The following HEPACAM2 variants were observed in gnomAD, a reference collection of about 807,000 sequenced individuals.
HEPACAM2 encodes mitotic kinetics regulator.
In HEPACAM2, 49 loss-of-function variants were observed where a neutral mutation model predicts 49.6. That is an observed-to-expected ratio of 0.99 (90% CI 0.78 to 1.25). HEPACAM2 has a LOEUF of 1.25. HEPACAM2 is among the 50% of genes most tolerant of loss of function. HEPACAM2 has a pLI of 0.00. For synonymous variants in HEPACAM2, 197 were observed against 202.9 expected (o/e 0.97, Z 0.25); for missense variants, 525 against 557.2 (o/e 0.94, Z 0.58).
intron 9 of HEPACAM2, among the ~76,000 whole-genome samples, chr7:93,190,374 G>A (rs1011541627): frequency 1.3e-5 from 2 of 151,976 alleles, no homozygotes; most frequent in African/African-American, 2.4e-5. Context: ...GAGAGGAAAA[G>A]AGAAGGGTAG....
Position 93,205,619 on chromosome 7 carries a change from A to T in HEPACAM2, c.1012+2961T>A, listed in dbSNP as rs532410590. 3 of 152,228 alleles carry T rather than the reference A, an allele frequency of 2.0e-5. No homozygotes were observed. The South Asian group carries it at 6.2e-4, about 32-fold the overall frequency. 9.4% of individuals were successfully genotyped at this position (152,228 alleles called of 1,614,324 possible). On this transcript the variant is annotated intron_variant, in intron 4 of 9. Coordinates refer to ENST00000394468, the MANE Select transcript of HEPACAM2 (RefSeq NM_001039372.4). ...AATTCTCCACAGATCTCAAGAGTTT[A>T]CTCCTCAGAGTGGATGGAGAGTAGG... is the stretch of plus-strand genomic sequence containing the variant.
In HEPACAM2 at chr7:93,203,588, A is replaced by G. The variant is rs560269077; in HGVS notation, c.1012+4992T>C. On this transcript the variant is annotated intron_variant, in intron 4 of 9. Transcript: ENST00000394468. ...CCATTCTCCCCATTATTTAAACATG[A>G]TGGACTCATGTGCCAAAGCCATAGT... Among the ~76,000 whole-genome samples the G allele has an allele frequency of 3.9e-5, 6 of 152,208 alleles. No homozygotes were observed. The South Asian group carries it at 1.2e-3, about 32-fold the overall frequency.
At chr7:93,219,834 T>C (rs1359991306) in intron 1 of HEPACAM2, among the ~76,000 whole-genome samples, 1 of 152,230 alleles carries the variant, frequency 6.6e-6, no homozygotes, top group Non-Finnish European at 1.5e-5. Context: ...TCTAACTATG[T>C]GATTTGAGAA....
At chr7:93,212,665 C>G (rs1794205337) in intron 3 of HEPACAM2, among the ~76,000 whole-genome samples, 1 of 152,030 alleles carries the variant, frequency 6.6e-6, no homozygotes, top group South Asian at 2.1e-4. Flanking sequence ...CTCTTTATCA[C>G]ACATGCACAC....
rs1794406265 is a variant in HEPACAM2, at chr7:93,219,624, C to T, written c.80-173G>A. 13 of 1,225,872 alleles carry T rather than the reference C, an allele frequency of 1.1e-5. No homozygotes were observed. In the South Asian group the frequency reaches 2.3e-4, roughly 22 times the overall value. The allele number at this position is 1,225,872 out of a possible 1,614,324, so 75.9% of individuals were successfully genotyped here. ...TAGAGGTAAATATTTGTCCCTGAAA[C>T]CTTCTGCACTTAAAAAACTCCACCC... On this transcript the variant is annotated intron_variant, in intron 1 of 9. Coordinates refer to ENST00000394468, the MANE Select transcript of HEPACAM2 (RefSeq NM_001039372.4).
At chr7:93,193,150 C>T (rs995858642) in intron 8 of HEPACAM2, among the ~76,000 whole-genome samples, 3 of 152,094 alleles carry the variant, frequency 2.0e-5, no homozygotes. Context: ...TACACCTTCA[C>T]CTCGAGGGCT....
chr7:93,231,240 T>C (rs928389107), upstream of HEPACAM2, among the ~76,000 whole-genome samples: 4 of 152,314 alleles, frequency 2.6e-5, no homozygotes, highest in African/African-American at 7.2e-5. Flanking sequence ...CTAAGAAATA[T>C]TTTTGAAATT....
intron 3 of HEPACAM2, among the ~76,000 whole-genome samples, chr7:93,213,576 A>G (rs1794232018): frequency 1.3e-5 from 2 of 152,118 alleles, no homozygotes; most frequent in Admixed American, 6.6e-5. Flanking sequence ...TAAAAGGGAT[A>G]TGAAGAAAGA....
intron 3 of HEPACAM2, among the ~76,000 whole-genome samples, chr7:93,210,125 T>G (rs1794143055): frequency 1.3e-5 from 2 of 151,958 alleles, no homozygotes; most frequent in Admixed American, 6.6e-5. Context: ...ATTCTTCTCC[T>G]AGATAGGTTT....
chr7:93,208,181 A>G (rs1794077754), intron 4 of HEPACAM2, among the ~76,000 whole-genome samples: 1 of 152,060 alleles, frequency 6.6e-6, no homozygotes, highest in Admixed American at 6.6e-5. Flanking sequence ...GGGGAATCAA[A>G]TAGAAGTAGG....
At chr7:93,229,571 C>T (rs977911866), upstream of HEPACAM2, among the ~76,000 whole-genome samples, 1 of 152,122 alleles carries the variant, frequency 6.6e-6, no homozygotes, top group Non-Finnish European at 1.5e-5. Context: ...TGCCCTTATC[C>T]TACTTTACTA....
intron 2 of HEPACAM2, 102 bp downstream of exon 2, chr7:93,218,997 CAA>C (rs1584354073): frequency 1.1e-6 from 1 of 902,192 alleles, no homozygotes. Flanking sequence ...TTGATTTGTG[CAA>C]AGTTGTGAAG....
chr7:93,195,210 C>G (rs145966090), intron 8 of HEPACAM2, among the ~76,000 whole-genome samples: 87 of 152,108 alleles, frequency 5.7e-4, no homozygotes, highest in African/African-American at 2.1e-3. Context: ...AAATTAGGGT[C>G]TCCTGATCCG....
intron 9 of HEPACAM2, among the ~76,000 whole-genome samples, chr7:93,191,822 G>A (rs973292225): frequency 6.6e-6 from 1 of 152,002 alleles, no homozygotes; most frequent in Admixed American, 6.6e-5. Flanking sequence ...ACTGTGCTGT[G>A]GACCCTCTGT....
chr7:93,223,264 T>C (rs1794484143), intron 1 of HEPACAM2, among the ~76,000 whole-genome samples: 1 of 152,126 alleles, frequency 6.6e-6, no homozygotes, highest in Non-Finnish European at 1.5e-5. Context: ...CTGGAAATGG[T>C]TGGGAGGCAC....
At chr7:93,208,961 A>G in intron 3 of HEPACAM2, 85 bp from the exon 4 acceptor site, 1 of 1,219,950 alleles carries the variant, frequency 8.2e-7, no homozygotes, top group Non-Finnish European at 1.1e-6. Flanking sequence ...GTAGCATTTT[A>G]CTGTTTTTGA....
At chr7:93,192,436 T>G in intron 8 of HEPACAM2, 73 bp from the exon 9 acceptor site, 16 of 1,039,608 alleles carry the variant, frequency 1.5e-5, no homozygotes, top group South Asian at 4.0e-5. Flanking sequence ...GTTGCATAGT[T>G]GAAAACAACT....
chr7:93,194,860 C>A (rs1793646869), intron 8 of HEPACAM2, among the ~76,000 whole-genome samples: 1 of 149,380 alleles, frequency 6.7e-6, no homozygotes, highest in East Asian at 2.0e-4. Context: ...TGTTAATAAT[C>A]TGATTTGCTC....
intron 4 of HEPACAM2, among the ~76,000 whole-genome samples, chr7:93,207,970 CA>C (rs766175680): frequency 2.0e-4 from 31 of 152,028 alleles, no homozygotes; most frequent in Admixed American, 1.2e-3. Flanking sequence ...TGGTGGACAT[CA>C]ATATTTTAGG....
Sources: allele counts gnomAD v4.1 joint callset (sites outside exome capture counted in the v4.1 genomes callset), GRCh38; gene constraint gnomAD v4.1.1; transcripts MANE v1.5; gene names NCBI Gene and HGNC (gene_info 2026-07-23, HGNC 2026-07-21).